The following DOK6 variants were observed in gnomAD, a reference collection of about 807,000 sequenced individuals.
DOK6 encodes downstream of tyrosine kinase 6.
DOK6 carries 22 observed loss-of-function variants against 44.0 expected under a neutral mutation model. The ratio of observed to expected loss-of-function variants is 0.50; its 90% CI spans 0.36 to 0.71. DOK6 has a LOEUF of 0.71. DOK6 is among the 30% of genes least tolerant of loss of function. The pLI is 0.00. For missense variants in DOK6, 340 were observed against 416.4 expected (o/e 0.82, Z 1.60); for synonymous variants, 166 against 145.5 (o/e 1.14, Z -1.01).
At chr18:69,717,012 T>G (rs1292719063) in intron 5 of DOK6, among the ~76,000 whole-genome samples, 1 of 150,768 alleles carries the variant, frequency 6.6e-6, no homozygotes, top group Non-Finnish European at 1.5e-5. Flanking sequence ...ATATAGGAGT[T>G]TATTCTTTTT....
At chr18:69,642,720 A>G (rs564835963) in intron 3 of DOK6, among the ~76,000 whole-genome samples, 1 of 152,308 alleles carries the variant, frequency 6.6e-6, no homozygotes, top group East Asian at 1.9e-4. Flanking sequence ...AAGAATGTCT[A>G]CATGTATCTG....
chr18:69,665,086 C>A (rs1364620062), intron 3 of DOK6, among the ~76,000 whole-genome samples: 2 of 151,956 alleles, frequency 1.3e-5, no homozygotes, highest in Non-Finnish European at 2.9e-5. Flanking sequence ...GAGGCTGAGA[C>A]AGAAGAATCG....
intron 7 of DOK6, among the ~76,000 whole-genome samples, chr18:69,824,280 A>G (rs1188172456): frequency 7.0e-6 from 1 of 142,268 alleles, no homozygotes. Context: ...CCACCTATGG[A>G]TGAGAACATG....
chr18:69,594,186 T>TC (rs1011232241), intron 2 of DOK6, among the ~76,000 whole-genome samples: 9 of 151,612 alleles, frequency 5.9e-5, no homozygotes, highest in Admixed American at 4.0e-4. Flanking sequence ...ATGTTTATTT[T>TC]TTTTTTTTAC....
chr18:69,815,947 C>T (rs1396889268), intron 7 of DOK6, among the ~76,000 whole-genome samples: 2 of 152,076 alleles, frequency 1.3e-5, no homozygotes, highest in African/African-American at 2.4e-5. Context: ...ACTGTCTATC[C>T]TACATTTTAT....
At chr18:69,641,086 C>G (rs1408224372) in intron 3 of DOK6, among the ~76,000 whole-genome samples, 3 of 151,908 alleles carry the variant, frequency 2.0e-5, no homozygotes, top group African/African-American at 7.3e-5. Flanking sequence ...CGTGGTGACA[C>G]GTGCCTGTAG....
intron 7 of DOK6, among the ~76,000 whole-genome samples, chr18:69,832,327 G>A (rs1981923886): frequency 6.6e-6 from 1 of 152,094 alleles, no homozygotes; most frequent in African/African-American, 2.4e-5. Flanking sequence ...TTGATGTAAT[G>A]TATCATGTTT....
At chr18:69,517,262 A>G (rs142031561) in intron 1 of DOK6, among the ~76,000 whole-genome samples, 1 of 152,354 alleles carries the variant, frequency 6.6e-6, no homozygotes, top group African/African-American at 2.4e-5. Context: ...CTGTCTAAAT[A>G]TAATGGCTGA....
rs75847516 is a variant in DOK6 at position 69,720,313 on chromosome 18, G to A, written c.600-18652G>A. 9.8e-3 allele frequency among the ~76,000 whole-genome samples: 1,490 copies of A among 152,142 alleles called. 68 individuals are homozygous for A. The highest frequency in any genetic ancestry group is 0.086 in the East Asian group (446 of 5,186). On this transcript the variant is annotated intron_variant, in intron 5 of 7. Coordinates refer to ENST00000382713, the MANE Select transcript of DOK6 (RefSeq NM_152721.6). Reference sequence around the variant, plus strand: ...AATGTCTAAAAGGAAAATTTGCTAGGCAATAAAATTATAGCAAGTGATCAC... The same window carrying A: ...AATGTCTAAAAGGAAAATTTGCTAGACAATAAAATTATAGCAAGTGATCAC...
chr18:69,665,615 C>A (rs919506658), intron 3 of DOK6, among the ~76,000 whole-genome samples: 13 of 152,130 alleles, frequency 8.5e-5, no homozygotes, highest in Non-Finnish European at 1.6e-4. Flanking sequence ...TCTTTAGGAG[C>A]TAAGAAACTT....
intron 7 of DOK6, among the ~76,000 whole-genome samples, chr18:69,834,433 G>C (rs1225542686): frequency 6.6e-6 from 1 of 152,022 alleles, no homozygotes; most frequent in Non-Finnish European, 1.5e-5. Flanking sequence ...AATACAGTTA[G>C]ATAGAAGGAA....
chr18:69,648,253 T>C (rs1265269017), intron 3 of DOK6, among the ~76,000 whole-genome samples: 2 of 152,222 alleles, frequency 1.3e-5, no homozygotes, highest in African/African-American at 4.8e-5. Flanking sequence ...CAAAATGTTA[T>C]TGTGCTGAAT....
In DOK6 at chr18:69,599,281, G is replaced by A. The variant is rs4494647; in HGVS notation, c.175-103G>A. 9,837 of 824,706 alleles carry A rather than the reference G, an allele frequency of 0.012. 658 individuals are homozygous for A. The African/African-American group carries it at 0.15, about 13-fold the overall frequency. 51.1% of individuals were successfully genotyped at this position (824,706 alleles called of 1,614,324 possible). A position where few individuals can be genotyped will look rare whatever the true frequency, so the allele number is the denominator to read the frequency against. On this transcript the variant is annotated intron_variant, in intron 2 of 7. Transcript: ENST00000382713. Reference sequence around the variant, plus strand: ...AATTCAGAATGAGTACAAATATCCCGTGGAAATTCATGTAAGACTGTGATA... The same window carrying A: ...AATTCAGAATGAGTACAAATATCCCATGGAAATTCATGTAAGACTGTGATA...
chr18:69,418,266 T>C (rs1978392568), intron 1 of DOK6, among the ~76,000 whole-genome samples: 1 of 152,082 alleles, frequency 6.6e-6, no homozygotes, highest in Non-Finnish European at 1.5e-5. Context: ...CATTCTTCTG[T>C]CTATGGTCTA....
At chr18:69,554,193 T>C (rs1046607684) in intron 1 of DOK6, among the ~76,000 whole-genome samples, 1 of 152,112 alleles carries the variant, frequency 6.6e-6, no homozygotes, top group African/African-American at 2.4e-5. Context: ...TTAAAGCAAA[T>C]ACTAGTGTAC....
At chr18:69,443,795 A>G (rs1979202455) in intron 1 of DOK6, among the ~76,000 whole-genome samples, 1 of 152,118 alleles carries the variant, frequency 6.6e-6, no homozygotes, top group African/African-American at 2.4e-5. Context: ...GACCCATAGT[A>G]TTCTTGCTCC....
intron 1 of DOK6, among the ~76,000 whole-genome samples, chr18:69,420,038 C>G (rs1470238774): frequency 6.6e-6 from 1 of 151,914 alleles, no homozygotes; most frequent in Non-Finnish European, 1.5e-5. Flanking sequence ...TTAATTTTTA[C>G]AAACTACATT....
At chr18:69,450,098 G>A (rs930125174) in intron 1 of DOK6, among the ~76,000 whole-genome samples, 2 of 129,964 alleles carry the variant, frequency 1.5e-5, no homozygotes, top group Non-Finnish European at 1.6e-5. Context: ...GGCTTCGGAC[G>A]ATCAAATTAC....
At chr18:69,411,375 T>C (rs1309538819) in intron 1 of DOK6, among the ~76,000 whole-genome samples, 86 of 152,118 alleles carry the variant, frequency 5.7e-4, no homozygotes. Context: ...GAATAGATTG[T>C]AGTGAAATAG....
Sources: gnomAD v4.1 joint callset for allele counts (sites outside exome capture counted in the v4.1 genomes callset) on GRCh38, gnomAD v4.1.1 for gene constraint, MANE v1.5 for transcripts, NCBI Gene and HGNC (gene_info 2026-07-23, HGNC 2026-07-21) for gene names.